Variants in ASIC2 observed in about 807,000 individuals in gnomAD.
The protein encoded by ASIC2 is acid-sensing ion channel 2.
In ASIC2, 25 loss-of-function variants were observed where a neutral mutation model predicts 57.3. The observed-to-expected ratio is 0.44, with a 90% CI of 0.32 to 0.61. The LOEUF (loss-of-function observed/expected upper bound fraction) is 0.61. ASIC2 is among the 20% of genes least tolerant of loss of function. The pLI, the probability that ASIC2 is intolerant of heterozygous loss-of-function variation, is 0.06. For missense variants in ASIC2, 641 were observed against 738.1 expected, an observed-to-expected ratio of 0.87 and a Z score of 1.52; for synonymous variants, 319 against 307.5, an observed-to-expected ratio of 1.04 and a Z score of -0.39.
chr17:33,921,367 C>G (rs1170578502), intron 1 of ASIC2, among the ~76,000 whole-genome samples: 1 of 152,140 alleles, frequency 6.6e-6, no homozygotes, highest in African/African-American at 2.4e-5. Context: ...AATGATTAAA[C>G]AGTATGGAAA....
intron 1 of ASIC2, among the ~76,000 whole-genome samples, chr17:33,962,605 T>G (rs1483184555): frequency 6.6e-6 from 1 of 152,128 alleles, no homozygotes; most frequent in Non-Finnish European, 1.5e-5. Context: ...CATGTTCGCT[T>G]GTACTGGGGG....
chr17:33,363,886 GC>G (rs1340019400), intron 1 of ASIC2, among the ~76,000 whole-genome samples: 1 of 152,176 alleles, frequency 6.6e-6, no homozygotes, highest in Non-Finnish European at 1.5e-5. Context: ...CTTTCCTGGG[GC>G]AGCCACCTGG....
intron 1 of ASIC2, among the ~76,000 whole-genome samples, chr17:33,706,737 C>T (rs939480630): frequency 2.6e-5 from 4 of 152,142 alleles, no homozygotes; most frequent in Non-Finnish European, 5.9e-5. Context: ...AAATCTCTCT[C>T]AATATATTCA....
chr17:33,643,152 C>A (rs994997176), intron 1 of ASIC2, among the ~76,000 whole-genome samples: 2 of 150,394 alleles, frequency 1.3e-5, no homozygotes, highest in Non-Finnish European at 3.0e-5. Flanking sequence ...TCATTTCCCC[C>A]CCCCCACATT....
chr17:33,057,725 C>A (rs1390787471), intron 3 of ASIC2, among the ~76,000 whole-genome samples: 1 of 152,220 alleles, frequency 6.6e-6, no homozygotes, highest in Non-Finnish European at 1.5e-5. Context: ...TGAGGCTTTG[C>A]CTCCAGGGCT....
intron 1 of ASIC2, among the ~76,000 whole-genome samples, chr17:33,344,914 A>G (rs530238963): frequency 6.7e-6 from 1 of 149,886 alleles, no homozygotes; most frequent in South Asian, 2.2e-4. Flanking sequence ...ATGCCACTAT[A>G]TATGCAACAA....
chr17:33,145,415 C>T (rs1033508716), intron 1 of ASIC2, among the ~76,000 whole-genome samples: 2 of 152,348 alleles, frequency 1.3e-5, no homozygotes, highest in South Asian at 4.1e-4. Flanking sequence ...TTAGCAACTG[C>T]CTGGCATCAC....
chr17:33,702,691 T>C (rs1908741551), intron 1 of ASIC2, among the ~76,000 whole-genome samples: 3 of 152,192 alleles, frequency 2.0e-5, no homozygotes, highest in Admixed American at 6.5e-5. Flanking sequence ...ACAGAACAAA[T>C]GTCTTGATAA....
At chr17:33,784,344 G>T (rs1238997922) in intron 1 of ASIC2, among the ~76,000 whole-genome samples, 1 of 152,152 alleles carries the variant, frequency 6.6e-6, no homozygotes, top group Non-Finnish European at 1.5e-5. Context: ...AGAGTCTTTA[G>T]AGGAGAAGCC....
At chr17:33,855,281 G>C (rs1318438632) in intron 1 of ASIC2, among the ~76,000 whole-genome samples, 1 of 152,186 alleles carries the variant, frequency 6.6e-6, no homozygotes, top group Non-Finnish European at 1.5e-5. Context: ...CCTCAACTGG[G>C]TCTGTGAGTT....
intron 3 of ASIC2, among the ~76,000 whole-genome samples, chr17:33,072,097 G>T (rs2092071519): frequency 6.6e-6 from 1 of 152,128 alleles, no homozygotes; most frequent in South Asian, 2.1e-4. Flanking sequence ...AACTCTGGTT[G>T]TCTCGGTCTT....
intron 1 of ASIC2, among the ~76,000 whole-genome samples, chr17:33,578,167 T>G (rs1273514070): frequency 2.6e-5 from 4 of 152,178 alleles, no homozygotes; most frequent in Non-Finnish European, 5.9e-5. Flanking sequence ...TTTATTTAAC[T>G]GAACCCCTTC....
chr17:33,612,405 A>G (rs2347554), intron 1 of ASIC2, among the ~76,000 whole-genome samples: 110,605 of 151,986 alleles, frequency 0.73, 40,639 homozygotes, highest in African/African-American at 0.81. Context: ...AAAATGGCAA[A>G]AGGGCGTTTT....
chr17:33,759,252 T>C (rs952962564), intron 1 of ASIC2, among the ~76,000 whole-genome samples: 7 of 152,186 alleles, frequency 4.6e-5, no homozygotes, highest in Non-Finnish European at 8.8e-5. Flanking sequence ...ACTGTGTCCA[T>C]GCCAGAGGGT....
chr17:34,009,205 C>T (rs548567102), intron 1 of ASIC2, among the ~76,000 whole-genome samples: 8 of 152,218 alleles, frequency 5.3e-5, no homozygotes, highest in East Asian at 1.9e-4. Context: ...CAGAGACTAT[C>T]GCCCTCACTC....
chr17:33,678,113 C>A (rs569208842), intron 1 of ASIC2, among the ~76,000 whole-genome samples: 1 of 152,278 alleles, frequency 6.6e-6, no homozygotes, highest in Admixed American at 6.5e-5. Context: ...CAGCATCAAG[C>A]TAGCAAAAAG....
intron 1 of ASIC2, among the ~76,000 whole-genome samples, chr17:33,795,011 C>T (rs1911875321): frequency 6.6e-6 from 1 of 152,160 alleles, no homozygotes; most frequent in African/African-American, 2.4e-5. Context: ...CAATGGAATT[C>T]AATTCAAGTC....
intron 1 of ASIC2, among the ~76,000 whole-genome samples, chr17:34,114,213 G>C (rs1465938116): frequency 6.6e-6 from 1 of 152,218 alleles, no homozygotes; most frequent in Non-Finnish European, 1.5e-5. Context: ...CCTGCACCTA[G>C]TTGAATGAAA....
intron 1 of ASIC2, among the ~76,000 whole-genome samples, chr17:33,746,273 C>T (rs868428401): frequency 1.0e-4 from 15 of 149,772 alleles, no homozygotes; most frequent in Non-Finnish European, 1.3e-4. Flanking sequence ...TATATACATA[C>T]GTGTACATGT....
Sources: allele counts gnomAD v4.1 joint callset (sites outside exome capture counted in the v4.1 genomes callset), GRCh38; gene constraint gnomAD v4.1.1; transcripts MANE v1.5; gene names NCBI Gene and HGNC (gene_info 2026-07-23, HGNC 2026-07-21).